GREM2: variants seen among roughly 807,000 people sequenced by gnomAD.
GREM2 encodes the protein gremlin 2, DAN family BMP antagonist.
In GREM2, 11 loss-of-function variants were observed where a neutral mutation model predicts 14.2. The ratio of observed to expected loss-of-function variants is 0.78; its 90% CI spans 0.49 to 1.28. The LOEUF is 1.28. Among genes scored for constraint, GREM2 ranks in the 50% most tolerant of loss-of-function variants. The probability of loss-of-function intolerance (pLI) is 0.00; values close to 1 mark genes in which losing one functional copy is unlikely to be tolerated. For missense variants in GREM2, 210 were observed against 218.5 expected, an observed-to-expected ratio of 0.96 and a Z score of 0.24; for synonymous variants, 98 against 97.6, an observed-to-expected ratio of 1.00 and a Z score of -0.02.
At chr1:240,535,784 G>A (rs976765654) in intron 1 of GREM2, among the ~76,000 whole-genome samples, 1 of 140,566 alleles carries the variant, frequency 7.1e-6, no homozygotes, top group African/African-American at 2.7e-5. Flanking sequence ...AGATGATAAA[G>A]GGAGACTCCA....
At chr1:240,587,794 T>G (rs989957476) in intron 1 of GREM2, among the ~76,000 whole-genome samples, 3 of 152,154 alleles carry the variant, frequency 2.0e-5, no homozygotes, top group African/African-American at 7.2e-5. Flanking sequence ...AATTCTGTGT[T>G]TTTATTGTGA....
chr1:240,591,278 C>T (rs1405638800), intron 1 of GREM2, among the ~76,000 whole-genome samples: 3 of 152,178 alleles, frequency 2.0e-5, no homozygotes, highest in African/African-American at 7.2e-5. Context: ...CAGTTATGAT[C>T]CTCCAGGGTA....
chr1:240,546,062 C>A (rs1051688484), intron 1 of GREM2, among the ~76,000 whole-genome samples: 2 of 152,046 alleles, frequency 1.3e-5, no homozygotes, highest in Non-Finnish European at 2.9e-5. Flanking sequence ...TGGCCAGGCA[C>A]GGTGGCGCAT....
chr1:240,503,218 A>G (rs1344601236), intron 1 of GREM2, among the ~76,000 whole-genome samples: 4 of 152,210 alleles, frequency 2.6e-5, no homozygotes, highest in Admixed American at 2.6e-4. Flanking sequence ...ATTCTTTAGT[A>G]TTTAAATCAC....
chr1:240,547,103 G>C (rs1678742096), intron 1 of GREM2, among the ~76,000 whole-genome samples: 1 of 152,130 alleles, frequency 6.6e-6, no homozygotes, highest in African/African-American at 2.4e-5. Flanking sequence ...AGATGGAGAA[G>C]GGTATTCTTG....
chr1:240,518,710 C>A (rs193085724), intron 1 of GREM2, among the ~76,000 whole-genome samples: 1 of 152,266 alleles, frequency 6.6e-6, no homozygotes, highest in African/African-American at 2.4e-5. Flanking sequence ...AATAAACACC[C>A]GTTTTCATGG....
intron 1 of GREM2, among the ~76,000 whole-genome samples, chr1:240,497,869 C>T (rs1325477161): frequency 6.6e-6 from 1 of 152,018 alleles, no homozygotes; most frequent in Non-Finnish European, 1.5e-5. Flanking sequence ...TCTCAATAGC[C>T]TCTTAAAAAG....
intron 1 of GREM2, among the ~76,000 whole-genome samples, chr1:240,587,545 C>T (rs1172462605): frequency 6.6e-6 from 1 of 152,092 alleles, no homozygotes; most frequent in Non-Finnish European, 1.5e-5. Flanking sequence ...TGGTCTTGAA[C>T]TCCTGGGCTC....
intron 1 of GREM2, among the ~76,000 whole-genome samples, chr1:240,521,878 G>A (rs568204368): frequency 2.7e-4 from 41 of 152,104 alleles, no homozygotes; most frequent in African/African-American, 8.7e-4. Flanking sequence ...CTGGAAGGCC[G>A]AGGTGGGCAG....
chr1:240,591,356 T>C (rs1679711631), intron 1 of GREM2, among the ~76,000 whole-genome samples: 1 of 152,102 alleles, frequency 6.6e-6, no homozygotes, highest in Admixed American at 6.6e-5. Flanking sequence ...AAGGAACATA[T>C]TGAATGAAGT....
chr1:240,604,220 C>T (rs1385150481), intron 1 of GREM2, among the ~76,000 whole-genome samples: 2 of 151,868 alleles, frequency 1.3e-5, no homozygotes, highest in African/African-American at 2.4e-5. Context: ...TCCCACCAGG[C>T]CCTACCTCCA....
intron 1 of GREM2, among the ~76,000 whole-genome samples, chr1:240,601,718 C>G (rs1418172470): frequency 6.6e-6 from 1 of 152,058 alleles, no homozygotes; most frequent in East Asian, 1.9e-4. Context: ...ACCAGCCTGG[C>G]CAACATGGCG....
At chr1:240,548,620 C>T (rs11588607) in intron 1 of GREM2, among the ~76,000 whole-genome samples, 43,759 of 151,966 alleles carry the variant, frequency 0.29, 6,424 homozygotes, top group East Asian at 0.4. Flanking sequence ...TCTGAAGTAA[C>T]CACAGGACTT....
intron 1 of GREM2, among the ~76,000 whole-genome samples, chr1:240,525,360 C>G (rs1356759565): frequency 6.6e-6 from 1 of 152,140 alleles, no homozygotes; most frequent in East Asian, 1.9e-4. Context: ...CAGCCTGGAG[C>G]CATGAGGGGC....
At chr1:240,546,771 A>G (rs1305892675) in intron 1 of GREM2, among the ~76,000 whole-genome samples, 1 of 152,234 alleles carries the variant, frequency 6.6e-6, no homozygotes. Flanking sequence ...TCATTGAAAG[A>G]GTTGTCAAAA....
intron 1 of GREM2, among the ~76,000 whole-genome samples, chr1:240,503,385 G>A (rs1393133894): frequency 6.6e-6 from 1 of 151,962 alleles, no homozygotes; most frequent in African/African-American, 2.4e-5. Context: ...CTCTTCGCTG[G>A]CCTCCCTTCT....
chr1:240,580,403 C>G (rs1452297059), intron 1 of GREM2, among the ~76,000 whole-genome samples: 15 of 151,952 alleles, frequency 9.9e-5, no homozygotes, highest in Non-Finnish European at 2.2e-4. Context: ...CTCTTCATAC[C>G]AATAATCAAC....
intron 1 of GREM2, among the ~76,000 whole-genome samples, chr1:240,502,530 A>G (rs1348420039): frequency 6.6e-6 from 1 of 152,112 alleles, no homozygotes; most frequent in African/African-American, 2.4e-5. Context: ...CTACGACTTC[A>G]ACTAGCTCTC....
At chr1:240,516,385 T>C (rs1273909196) in intron 1 of GREM2, among the ~76,000 whole-genome samples, 1 of 152,166 alleles carries the variant, frequency 6.6e-6, no homozygotes, top group Non-Finnish European at 1.5e-5. Context: ...ATCCAGTCTG[T>C]TTTCTCTTTA....
Sources: allele counts gnomAD v4.1 joint callset (sites outside exome capture counted in the v4.1 genomes callset), GRCh38; gene constraint gnomAD v4.1.1; transcripts MANE v1.5; gene names NCBI Gene and HGNC (gene_info 2026-07-23, HGNC 2026-07-21).